Variants in HSPG2 observed in about 807,000 individuals in gnomAD.
HSPG2 encodes basement membrane-specific heparan sulfate proteoglycan core protein.
In HSPG2, 278 loss-of-function variants were observed where a neutral mutation model predicts 526.6. The ratio of observed to expected loss-of-function variants is 0.53; its 90% CI spans 0.48 to 0.58. The LOEUF (loss-of-function observed/expected upper bound fraction) is 0.58, where lower values mean the gene tolerates loss of function less well. HSPG2 is among the 20% of genes least tolerant of loss of function. The pLI is 0.00. For missense variants in HSPG2, 5,354 were observed against 6,099.5 expected, an observed-to-expected ratio of 0.88 and a Z score of 4.07; for synonymous variants, 2,465 against 2,555.4, an observed-to-expected ratio of 0.96 and a Z score of 1.07.
intron 1 of HSPG2, among the ~76,000 whole-genome samples, chr1:21,915,866 A>G (rs1643874677): frequency 6.6e-6 from 1 of 151,614 alleles, no homozygotes; most frequent in Non-Finnish European, 1.5e-5. Context: ...CCTGGCCAAC[A>G]TGGTAAAACC....
intron 91 of HSPG2, among the ~76,000 whole-genome samples, chr1:21,827,139 C>T (rs1165477573): frequency 4.0e-5 from 6 of 150,214 alleles, no homozygotes; most frequent in Admixed American, 2.6e-4. Flanking sequence ...GTCTGGGAGG[C>T]GGGGGTTGCA....
At chr1:21,889,246 C>A (rs988238365) in intron 6 of HSPG2, among the ~76,000 whole-genome samples, 2 of 150,908 alleles carry the variant, frequency 1.3e-5, no homozygotes, top group East Asian at 2.0e-4. Flanking sequence ...GGCCGAGAAC[C>A]ACACCTGTGA....
At chr1:21,896,133 A>G (rs756511743) in intron 2 of HSPG2, 42 bp downstream of exon 2, 1 of 1,610,630 alleles carries the variant, frequency 6.2e-7, no homozygotes, top group Admixed American at 1.7e-5. Flanking sequence ...GCACAGTCTC[A>G]CCCCCCACCC....
In HSPG2 at chr1:21,854,885, G is replaced by T; in HGVS notation, c.6096C>A (p.Gly2032=). The change falls in exon 48 of 97, where the codon GGC becomes GGA. Residue 2032 remains glycine, a synonymous_variant. Transcript: ENST00000374695. ...FYLCVATSPA[G]TAQARIQVVV... ...CCACTTGGATCCGGGCCTGGGCAGT[G>T]CCTGCAGGGCTGGTGGCCACGCAGA... is the stretch of plus-strand genomic sequence containing the variant. The T allele has an allele frequency of 1.2e-6, 2 of 1,614,190 alleles. No individual in the cohort carries two copies. The highest frequency in any genetic ancestry group is 1.7e-6 in the Non-Finnish European group (2 of 1,180,022).
At chr1:21,873,223 C>T (rs571427685) in intron 30 of HSPG2, 132 bp from the exon 31 acceptor site, 69 of 1,148,854 alleles carry the variant, frequency 6.0e-5, no homozygotes, top group Admixed American at 2.2e-4. Context: ...CGACAGCCCT[C>T]GGAGGTGGTG....
intron 1 of HSPG2, among the ~76,000 whole-genome samples, chr1:21,932,263 C>A (rs996785612): frequency 6.6e-6 from 1 of 152,126 alleles, no homozygotes; most frequent in Non-Finnish European, 1.5e-5. Context: ...TGACTGCCCA[C>A]GACAAGCACA....
intron 21 of HSPG2, among the ~76,000 whole-genome samples, chr1:21,876,943 C>T (rs1641115224): frequency 6.6e-6 from 1 of 151,682 alleles, no homozygotes; most frequent in Non-Finnish European, 1.5e-5. Flanking sequence ...GCTGTAATCC[C>T]AGCTACTCAG....
rs1208167285 is a variant in HSPG2 at position 21,836,803 on chromosome 1, G to A, written c.10354C>T (p.Arg3452Ter). The A allele has an allele frequency of 5.8e-6, 9 of 1,557,156 alleles. No homozygotes were observed. Among genetic ancestry groups the A allele is most frequent in the African/African-American group, 1.4e-5 (1 of 73,712 alleles). The change falls in exon 75 of 97, where the codon CGA (arginine) becomes TGA (stop). Residue 3452 changes from arginine to a stop codon, truncating the protein, a stop_gained and splice_region_variant. Transcript: ENST00000374695. LOFTEE classifies it high-confidence loss of function. ...PGHSVQDGVL[R>*]IQNLDQSCQG... ...AGTCCTGCCCCCGGCCCCACTCACC[G>A]GAGCACCCCATCCTGCACGCTGTGA...
Position 21,885,139 on chromosome 1 carries a change from G to A in HSPG2, c.1229C>T (p.Thr410Ile). 6.2e-7 allele frequency: 1 copy of A among 1,610,160 alleles called. No homozygotes were observed. The highest frequency in any genetic ancestry group is 8.5e-7 in the Non-Finnish European group (1 of 1,178,092). Residue 410 changes from threonine (T) to isoleucine (I), a missense_variant, in exon 11 of 97, where the codon ACA becomes ATA. Thr to Ile is a moderately conservative substitution (Grantham distance 89). Coordinates refer to ENST00000374695, the MANE Select transcript of HSPG2 (RefSeq NM_005529.7). ...EFGCMPPQVV[T>I]PPRESIQASR... ...AGCCTGGATGGACTCCCGGGGAGGT[G>A]TCACCACCTGGGGGGGCACTGAGGA...
chr1:21,920,614 T>G (rs1401443873), intron 1 of HSPG2, among the ~76,000 whole-genome samples: 1 of 152,202 alleles, frequency 6.6e-6, no homozygotes, highest in Non-Finnish European at 1.5e-5. Flanking sequence ...GACCGTACTC[T>G]CTCTGCAACC....
intron 1 of HSPG2, among the ~76,000 whole-genome samples, chr1:21,899,419 A>T (rs1404680137): frequency 6.6e-6 from 1 of 152,194 alleles, no homozygotes. Flanking sequence ...TTGAGCACTT[A>T]CTATGCACCA....
Position 21,828,251 on chromosome 1 carries a change from C to A in HSPG2, c.12409+4G>T. The A allele has an allele frequency of 6.2e-7, 1 of 1,613,622 alleles. No homozygotes were observed. ...CCTCCGGTGCCCTGGGCAGGCTTTCCCACCTTTGAATCCATCTCGACACAG... is the reference window on the plus strand; with the variant it reads ...CCTCCGGTGCCCTGGGCAGGCTTTCACACCTTTGAATCCATCTCGACACAG... On this transcript the variant is annotated splice_donor_region_variant and intron_variant, in intron 89 of 96. Transcript: ENST00000374695. This position sits in a 1 kb window ranked among gnomAD's most constrained non-coding sequence, Gnocchi z 6.0.
chr1:21,852,337 T>G, intron 52 of HSPG2, 104 bp from the exon 53 acceptor site: 1 of 1,442,150 alleles, frequency 6.9e-7, no homozygotes. Flanking sequence ...CAAGGCCAGA[T>G]CCAGCTTTTC....
At chr1:21,897,348 C>T (rs1054112944) in intron 1 of HSPG2, among the ~76,000 whole-genome samples, 2 of 152,162 alleles carry the variant, frequency 1.3e-5, no homozygotes, top group Non-Finnish European at 2.9e-5. Context: ...GAAATGGTCT[C>T]GCTTTTGAAA....
chr1:21,919,008 G>A (rs866147483), intron 1 of HSPG2, among the ~76,000 whole-genome samples: 5 of 152,232 alleles, frequency 3.3e-5, no homozygotes, highest in African/African-American at 1.2e-4. Context: ...GGCCATGTCA[G>A]TAGAGAACCG....
In HSPG2 at chr1:21,887,249, A is replaced by G. The variant is rs751894171; in HGVS notation, c.1044T>C (p.Phe348=). ...CTTCATCAGTTCGGTCCTCACAGTC[A>G]AAGTCACCATCGCAGCGCCACAGCT... The part of the protein sequence containing the change: ...ALKLWRCDGD[F]DCEDRTDEAN... The change falls in exon 9 of 97, where the codon TTT becomes TTC. Residue 348 remains phenylalanine (F), a synonymous_variant. Coordinates refer to ENST00000374695, the MANE Select transcript of HSPG2 (RefSeq NM_005529.7). This position sits in a 1 kb window ranked among gnomAD's most constrained non-coding sequence, Gnocchi z 5.0. 3.1e-6 allele frequency: 5 copies of G among 1,613,944 alleles called. No homozygotes were observed. In the East Asian group the frequency reaches 8.9e-5, roughly 29 times the overall value.
chr1:21,876,441 G>T (rs374129464), intron 22 of HSPG2, 36 bp from the exon 23 acceptor site: 1 of 1,611,646 alleles, frequency 6.2e-7, no homozygotes, highest in Admixed American at 1.7e-5. Context: ...TGGGGGCCGT[G>T]GCCTGGGACT....
Position 21,864,325 on chromosome 1 carries a change from AG to A in HSPG2, c.4627-113del. 5.7e-6 allele frequency: 5 copies of A among 876,978 alleles called. No homozygotes were observed. Among genetic ancestry groups the A allele is most frequent in the Non-Finnish European group, 9.3e-6 (5 of 536,818 alleles). The allele number at this position is 876,978 out of a possible 1,614,324, so 54.3% of individuals were successfully genotyped here. ...CCCAGGGGTGACCCTGGAACATCAC[AG>A]GCCGGCGCCCCTCCTTCCCCACTTC... is the stretch of plus-strand genomic sequence containing the variant. On this transcript the variant is annotated intron_variant, in intron 36 of 96. Coordinates refer to ENST00000374695, the MANE Select transcript of HSPG2 (RefSeq NM_005529.7). The surrounding 1 kb of genome is among the most constrained non-coding windows in gnomAD (Gnocchi z 4.8).
chr1:21,931,541 G>A (rs1420086350), intron 1 of HSPG2, among the ~76,000 whole-genome samples: 2 of 152,164 alleles, frequency 1.3e-5, no homozygotes, highest in African/African-American at 4.8e-5. Flanking sequence ...GGAAGCTGCC[G>A]GGGAACCAAG....
Sources: gnomAD v4.1 joint callset for allele counts (sites outside exome capture counted in the v4.1 genomes callset) on GRCh38, gnomAD v4.1.1 for gene constraint, Gnocchi (gnomAD v3.1) non-coding constraint, MANE v1.5 for transcripts, NCBI Gene and HGNC (gene_info 2026-07-23, HGNC 2026-07-21) for gene names.